Variants in CTNNA3 observed in about 807,000 individuals in gnomAD.
The protein encoded by CTNNA3 is catenin alpha 3.
In CTNNA3, 76 loss-of-function variants were observed where a neutral mutation model predicts 95.7. The observed-to-expected ratio is 0.79, with a 90% CI of 0.66 to 0.96. CTNNA3 has a LOEUF of 0.96. Ranked by LOEUF, CTNNA3 falls within the 40% of genes least tolerant of loss-of-function variation. The pLI, the probability that CTNNA3 is intolerant of heterozygous loss-of-function variation, is 0.00. For missense variants in CTNNA3, 1,191 were observed against 1,089.8 expected, an observed-to-expected ratio of 1.09 and a Z score of -1.31; for synonymous variants, 431 against 374.4, an observed-to-expected ratio of 1.15 and a Z score of -1.74.
intron 7 of CTNNA3, among the ~76,000 whole-genome samples, chr10:67,135,838 CTCAT>C (rs1260253177): frequency 1.3e-5 from 2 of 152,102 alleles, no homozygotes; most frequent in African/African-American, 2.4e-5. Flanking sequence ...AAAAAATTAA[CTCAT>C]TCAAATTTCT....
intron 15 of CTNNA3, among the ~76,000 whole-genome samples, chr10:66,019,680 C>T (rs2079161830): frequency 6.6e-6 from 1 of 151,820 alleles, no homozygotes; most frequent in Admixed American, 6.6e-5. Flanking sequence ...AAGGAAGTAA[C>T]TGATAAAAGT....
At chr10:66,938,707 T>G (rs1337326451) in intron 7 of CTNNA3, among the ~76,000 whole-genome samples, 1 of 152,210 alleles carries the variant, frequency 6.6e-6, no homozygotes, top group African/African-American at 2.4e-5. Context: ...GATCATGTTC[T>G]GATTTAAATT....
At chr10:66,395,192 T>A (rs1209311534) in intron 11 of CTNNA3, among the ~76,000 whole-genome samples, 1 of 152,066 alleles carries the variant, frequency 6.6e-6, no homozygotes, top group African/African-American at 2.4e-5. Context: ...TAAAGTCAAG[T>A]ACAGCATTCT....
intron 1 of CTNNA3, among the ~76,000 whole-genome samples, chr10:67,730,320 ATT>A (rs35741997): frequency 6.7e-6 from 1 of 149,712 alleles, no homozygotes; most frequent in Non-Finnish European, 1.5e-5. Flanking sequence ...TTCCTTGGGC[ATT>A]TTTTTTTTAA....
chr10:65,999,306 T>G (rs2078724826), intron 15 of CTNNA3, among the ~76,000 whole-genome samples: 1 of 152,178 alleles, frequency 6.6e-6, no homozygotes, highest in Non-Finnish European at 1.5e-5. Flanking sequence ...AAAGATTGTT[T>G]CTAAGGAGAG....
At chr10:67,019,858 G>A (rs929280405) in intron 7 of CTNNA3, among the ~76,000 whole-genome samples, 6 of 152,088 alleles carry the variant, frequency 3.9e-5, no homozygotes, top group African/African-American at 9.6e-5. Context: ...TTCCTCTTCC[G>A]TTCTTGCCTA....
chr10:66,740,660 TCACAGA>T (rs1455707266), intron 9 of CTNNA3, among the ~76,000 whole-genome samples: 1 of 152,230 alleles, frequency 6.6e-6, no homozygotes, highest in African/African-American at 2.4e-5. Flanking sequence ...ATTATTATTC[TCACAGA>T]CACAAACAGA....
intron 7 of CTNNA3, among the ~76,000 whole-genome samples, chr10:66,978,722 T>G (rs1402264645): frequency 1.3e-5 from 2 of 149,792 alleles, no homozygotes; most frequent in Non-Finnish European, 3.0e-5. Context: ...AATAAATACA[T>G]TTACTAAACC....
chr10:66,998,397 T>C (rs1851478606), intron 7 of CTNNA3, among the ~76,000 whole-genome samples: 1 of 152,096 alleles, frequency 6.6e-6, no homozygotes, highest in African/African-American at 2.4e-5. Context: ...CAAAATAAAA[T>C]GTAGACATAA....
chr10:66,459,602 AAT>A (rs1160993004), intron 11 of CTNNA3, among the ~76,000 whole-genome samples: 30 of 152,284 alleles, frequency 2.0e-4, no homozygotes, highest in Non-Finnish European at 1.2e-4. Flanking sequence ...CATTCTGAGA[AAT>A]ATGTTGTTAG....
chr10:67,042,639 C>A (rs1033830943), intron 7 of CTNNA3, among the ~76,000 whole-genome samples: 1 of 150,586 alleles, frequency 6.6e-6, no homozygotes. Flanking sequence ...AGAGAAGGAA[C>A]GGAGGAAAAG....
At chr10:66,726,404 G>A (rs541210813) in intron 9 of CTNNA3, among the ~76,000 whole-genome samples, 1 of 152,130 alleles carries the variant, frequency 6.6e-6, no homozygotes, top group African/African-American at 2.4e-5. Flanking sequence ...ATGCTACAAC[G>A]TGGTTTGCTA....
chr10:67,431,852 A>G (rs1846121306), intron 5 of CTNNA3, among the ~76,000 whole-genome samples: 1 of 151,992 alleles, frequency 6.6e-6, no homozygotes, highest in South Asian at 2.1e-4. Context: ...TCTCATAGGG[A>G]CTTTAATCCC....
chr10:67,315,228 A>G (rs1276480832), intron 5 of CTNNA3, among the ~76,000 whole-genome samples: 1 of 152,188 alleles, frequency 6.6e-6, no homozygotes, highest in Non-Finnish European at 1.5e-5. Flanking sequence ...TTATTGCCTA[A>G]CAGGCATTCA....
chr10:66,346,076 CAAAAAAAAA>C (rs746349432), intron 12 of CTNNA3, among the ~76,000 whole-genome samples: 2 of 70,428 alleles, frequency 2.8e-5, no homozygotes, highest in South Asian at 9.6e-4. Flanking sequence ...GACTCCATCT[CAAAAAAAAA>C]AAAAAAAAAA....
intron 10 of CTNNA3, among the ~76,000 whole-genome samples, chr10:66,610,018 T>C (rs1239417011): frequency 6.6e-6 from 1 of 152,152 alleles, no homozygotes; most frequent in Non-Finnish European, 1.5e-5. Flanking sequence ...AAATACTTCA[T>C]GTTCTTACTT....
chr10:67,577,630 T>C (rs1842210009), intron 3 of CTNNA3, among the ~76,000 whole-genome samples: 1 of 151,386 alleles, frequency 6.6e-6, no homozygotes, highest in Non-Finnish European at 1.5e-5. Flanking sequence ...TGCCTAGGTT[T>C]TGTATATATA....
intron 7 of CTNNA3, among the ~76,000 whole-genome samples, chr10:66,858,090 T>G: frequency 6.6e-6 from 1 of 152,112 alleles, no homozygotes; most frequent in Non-Finnish European, 1.5e-5. Context: ...ATGCCTAGTT[T>G]ATTGAGGATT....
At chr10:67,034,011 A>G (rs867957786) in intron 7 of CTNNA3, among the ~76,000 whole-genome samples, 1 of 152,264 alleles carries the variant, frequency 6.6e-6, no homozygotes, top group African/African-American at 2.4e-5. Flanking sequence ...ACCTCAAGAG[A>G]TCCGCCTGCC....
Sources: gnomAD v4.1 joint callset for allele counts (sites outside exome capture counted in the v4.1 genomes callset) on GRCh38, gnomAD v4.1.1 for gene constraint, MANE v1.5 for transcripts, NCBI Gene and HGNC (gene_info 2026-07-23, HGNC 2026-07-21) for gene names.